Variants in LYPLAL1 observed in about 807,000 individuals in gnomAD.
LYPLAL1 encodes lysophospholipase like 1.
A neutral mutation model predicts 19.7 loss-of-function variants in LYPLAL1; 23 were observed. The observed-to-expected ratio is 1.17, with a 90% CI of 0.84 to 1.65. The LOEUF (loss-of-function observed/expected upper bound fraction) is 1.65. Among genes scored for constraint, LYPLAL1 ranks in the 40% most tolerant of loss-of-function variants. The pLI is 0.00. For synonymous variants in LYPLAL1, 119 were observed against 96.3 expected (o/e 1.24, Z -1.38); for missense variants, 355 against 279.4 (o/e 1.27, Z -1.93).
At chr1:219,218,029 ATTAC>A in the LYPLAL1 span, among the ~76,000 whole-genome samples, 1 of 151,964 alleles carries the variant, frequency 6.6e-6, no homozygotes, top group Non-Finnish European at 1.5e-5. Flanking sequence ...AACAGGCTTT[ATTAC>A]TTTATAATCC....
the LYPLAL1 span, among the ~76,000 whole-genome samples, chr1:219,416,650 A>C: frequency 5.9e-5 from 9 of 152,342 alleles, no homozygotes; most frequent in African/African-American, 2.2e-4. Flanking sequence ...TGGGTCATTT[A>C]GAACTTTGTA....
Position 219,173,973 on chromosome 1 carries a change from A to C in LYPLAL1, c.83A>C (p.His28Pro), listed in dbSNP as rs757766059. Residue 28 changes from histidine (H) to proline (P), a missense_variant, in exon 1 of 5, where the codon CAT (histidine) becomes CCT (proline). Transcript: ENST00000366928. ...GRHSASLIFL[H>P]GSGDSGQGLR... ...CATAGCGCCTCTCTGATCTTCCTGC[A>C]TGGCTCAGGTGGATTTCAATTTTAC... 6 of 1,614,076 alleles carry C rather than the reference A, an allele frequency of 3.7e-6. No individual in the cohort carries two copies. The highest frequency in any genetic ancestry group is 2.2e-5 in the East Asian group (1 of 44,882).
chr1:219,373,557 T>C, the LYPLAL1 span, among the ~76,000 whole-genome samples: 134 of 152,310 alleles, frequency 8.8e-4, no homozygotes, highest in Non-Finnish European at 1.3e-3. Flanking sequence ...CCCATTTTTT[T>C]AGTTCTCTTT....
intron 3 of LYPLAL1, among the ~76,000 whole-genome samples, chr1:219,201,673 C>T (rs964256140): frequency 6.6e-6 from 1 of 151,972 alleles, no homozygotes; most frequent in East Asian, 1.9e-4. Context: ...CATTGAGATA[C>T]AGAAAGAGAC....
intron 3 of LYPLAL1, among the ~76,000 whole-genome samples, chr1:219,206,044 G>A (rs1277966908): frequency 6.6e-6 from 1 of 152,010 alleles, no homozygotes; most frequent in Non-Finnish European, 1.5e-5. Context: ...AATTTAGAAT[G>A]GTAATGGACT....
the LYPLAL1 span, among the ~76,000 whole-genome samples, chr1:219,387,260 A>G: frequency 4.6e-5 from 7 of 152,318 alleles, no homozygotes; most frequent in African/African-American, 1.7e-4. Flanking sequence ...TTGCATTTTA[A>G]AGCTATAAGT....
At chr1:219,250,173 T>C in the LYPLAL1 span, among the ~76,000 whole-genome samples, 1 of 152,048 alleles carries the variant, frequency 6.6e-6, no homozygotes, top group Non-Finnish European at 1.5e-5. Context: ...AGATCTATAT[T>C]CTATATAATT....
At chr1:219,388,015 G>C in the LYPLAL1 span, among the ~76,000 whole-genome samples, 4 of 152,090 alleles carry the variant, frequency 2.6e-5, no homozygotes, top group Non-Finnish European at 4.4e-5. Flanking sequence ...AATACCTCTA[G>C]GCTGGATCAG....
intron 2 of LYPLAL1, among the ~76,000 whole-genome samples, chr1:219,184,255 A>T (rs1487488556): frequency 1.3e-5 from 2 of 151,886 alleles, no homozygotes; most frequent in East Asian, 3.9e-4. Flanking sequence ...TCTTTTGCTA[A>T]ATTTATCTAC....
chr1:219,364,619 T>C, the LYPLAL1 span, among the ~76,000 whole-genome samples: 2 of 152,182 alleles, frequency 1.3e-5, no homozygotes, highest in Non-Finnish European at 2.9e-5. Flanking sequence ...CTCCATAGTG[T>C]GGCAGGCACA....
chr1:219,245,203 TCC>T, the LYPLAL1 span, among the ~76,000 whole-genome samples: 47 of 148,934 alleles, frequency 3.2e-4, no homozygotes, highest in Non-Finnish European at 6.3e-4. Context: ...CTTCCTTCCT[TCC>T]TTCCTTCCTT....
At chr1:219,186,980 A>G (rs929848312) in intron 2 of LYPLAL1, among the ~76,000 whole-genome samples, 10 of 150,446 alleles carry the variant, frequency 6.6e-5, no homozygotes, top group Admixed American at 6.6e-5. Context: ...TCTGATTGCC[A>G]TAGGGATTAT....
the LYPLAL1 span, among the ~76,000 whole-genome samples, chr1:219,374,745 A>G: frequency 1.3e-5 from 2 of 152,214 alleles, no homozygotes; most frequent in South Asian, 4.1e-4. Flanking sequence ...TCACATCCCA[A>G]ATTCCGGCAA....
chr1:219,372,472 C>G, the LYPLAL1 span, among the ~76,000 whole-genome samples: 3 of 152,144 alleles, frequency 2.0e-5, no homozygotes, highest in Non-Finnish European at 4.4e-5. Context: ...AGAAAGCCCC[C>G]TTTTTTGACC....
chr1:219,184,323 A>G (rs1158174036), intron 2 of LYPLAL1, among the ~76,000 whole-genome samples: 2 of 151,882 alleles, frequency 1.3e-5, no homozygotes, highest in African/African-American at 4.8e-5. Flanking sequence ...TAATTTTCAA[A>G]TTGTTGCTAG....
chr1:219,307,026 A>ATG, the LYPLAL1 span, among the ~76,000 whole-genome samples: 1 of 37,062 alleles, frequency 2.7e-5, no homozygotes, highest in Admixed American at 3.0e-4. Context: ...ACACATACAT[A>ATG]TATATATATA....
chr1:219,311,480 C>G, the LYPLAL1 span, among the ~76,000 whole-genome samples: 1 of 151,764 alleles, frequency 6.6e-6, no homozygotes, highest in Non-Finnish European at 1.5e-5. Context: ...AACACCAATC[C>G]CAATCTTTGA....
chr1:219,309,102 C>T, the LYPLAL1 span, among the ~76,000 whole-genome samples: 7 of 152,288 alleles, frequency 4.6e-5, no homozygotes, highest in African/African-American at 1.2e-4. Flanking sequence ...GAGTCAAGGG[C>T]GATCATTTTG....
the LYPLAL1 span, among the ~76,000 whole-genome samples, chr1:219,375,445 C>T: frequency 2.3e-4 from 32 of 138,606 alleles, no homozygotes; most frequent in Non-Finnish European, 4.1e-4. Context: ...GAGCCAGGAT[C>T]GCAGCACTGC....
Sources: gnomAD v4.1 joint callset for allele counts (sites outside exome capture counted in the v4.1 genomes callset) on GRCh38, gnomAD v4.1.1 for gene constraint, MANE v1.5 for transcripts, NCBI Gene and HGNC (gene_info 2026-07-23, HGNC 2026-07-21) for gene names.